The following DIS3L2 variants were observed in gnomAD, a reference collection of about 807,000 sequenced individuals.
The protein encoded by DIS3L2 is DIS3 like 3'-5' exoribonuclease 2.
Under a neutral mutation model 97.5 loss-of-function variants are expected in DIS3L2, and 34 were observed. The ratio of observed to expected loss-of-function variants is 0.35; its 90% CI spans 0.27 to 0.46. The LOEUF (loss-of-function observed/expected upper bound fraction) is 0.46, where lower values mean the gene tolerates loss of function less well. Among genes scored for constraint, DIS3L2 ranks in the 20% least tolerant of loss-of-function variants. DIS3L2 has a pLI of 1.00. For synonymous variants in DIS3L2, 435 were observed against 445.2 expected (o/e 0.98, Z 0.29); for missense variants, 1,038 against 1,146.0 (o/e 0.91, Z 1.36).
rs922078860 is a variant in DIS3L2, at chr2:231,996,467, GAGAA to G, written c.-93-18363_-93-18360del. Among the ~76,000 whole-genome samples, 27 of 152,316 alleles carry G rather than the reference GAGAA, an allele frequency of 1.8e-4. 3 individuals are homozygous for G. Among genetic ancestry groups the G allele is most frequent in the Admixed American group, 1.6e-3 (25 of 15,304 alleles). On this transcript the variant is annotated intron_variant, in intron 1 of 20. Coordinates refer to ENST00000325385, the MANE Select transcript of DIS3L2 (RefSeq NM_152383.5). ...GAGCCCAGCTGGGGTATTAAAGTAA[GAGAA>G]AGAATATAATGAGGTATTGTCAGTT...
intron 10 of DIS3L2, among the ~76,000 whole-genome samples, chr2:232,218,415 C>T (rs1692404637): frequency 6.6e-6 from 1 of 152,152 alleles, no homozygotes; most frequent in East Asian, 1.9e-4. Context: ...TAATTCTCAG[C>T]CTCCGAGGTG....
intron 6 of DIS3L2, among the ~76,000 whole-genome samples, chr2:232,101,890 G>A (rs1697213769): frequency 6.6e-6 from 1 of 152,162 alleles, no homozygotes. Context: ...ATCATTGCTG[G>A]ATACTAAAAC....
chr2:232,210,302 A>C (rs1365817942), intron 9 of DIS3L2, 24 bp from the exon 10 acceptor site: 3 of 1,597,626 alleles, frequency 1.9e-6, no homozygotes, highest in Non-Finnish European at 2.6e-6. Context: ...TGGCATTGCT[A>C]ATTGTTTCTT....
In DIS3L2 at chr2:232,336,625, A is replaced by G. The variant is rs1410322218; in HGVS notation, c.2653A>G (p.Ser885Gly). ...SDGEPEDSST[S>G] ...CGGTGAGCCCGAGGACTCAAGCACC[A>G]GCTGAGCTCCACCAGCCGCCTGCCC... is the stretch of plus-strand genomic sequence containing the variant. Residue 885 changes from serine to glycine, a missense_variant, in exon 21 of 21, where the codon AGC becomes GGC. Transcript: ENST00000325385. 4 of 1,598,822 alleles carry G rather than the reference A, an allele frequency of 2.5e-6. No individual in the cohort carries two copies. The Admixed American group carries it at 6.8e-5, about 27-fold the overall frequency.
At chr2:232,192,800 G>A (rs1328864404) in intron 9 of DIS3L2, among the ~76,000 whole-genome samples, 4 of 152,186 alleles carry the variant, frequency 2.6e-5, no homozygotes, top group Non-Finnish European at 5.9e-5. Context: ...TTGGTCCCAA[G>A]TAACAGAAAC....
intron 14 of DIS3L2, among the ~76,000 whole-genome samples, chr2:232,311,248 G>A (rs1414147912): frequency 6.6e-6 from 1 of 152,226 alleles, no homozygotes; most frequent in African/African-American, 2.4e-5. Context: ...CCATGTCTCA[G>A]CATATAGTGT....
At chr2:232,324,317 G>C (rs1340365377) in intron 14 of DIS3L2, among the ~76,000 whole-genome samples, 1 of 152,156 alleles carries the variant, frequency 6.6e-6, no homozygotes, top group African/African-American at 2.4e-5. Flanking sequence ...TCAAAGCCAC[G>C]TTAGCAGTTT....
At chr2:232,161,779 A>ATT (rs34447522) in intron 8 of DIS3L2, among the ~76,000 whole-genome samples, 1 of 144,950 alleles carries the variant, frequency 6.9e-6, no homozygotes, top group Admixed American at 6.9e-5. Flanking sequence ...CCCCAGTTCA[A>ATT]TTTTTTTTTT....
At chr2:231,982,306 C>T (rs1276593017) in intron 1 of DIS3L2, among the ~76,000 whole-genome samples, 2 of 152,180 alleles carry the variant, frequency 1.3e-5, no homozygotes, top group African/African-American at 4.8e-5. Context: ...ATCTAGAATA[C>T]ACTTACTTAC....
At position 231,966,200 on chromosome 2, in the gene DIS3L2, A is replaced by C. The variant is rs558607650; in HGVS notation, c.-94+4435A>C. Among the ~76,000 whole-genome samples, 5 of 132,588 alleles carry C rather than the reference A, an allele frequency of 3.8e-5. No homozygotes were observed. The East Asian group carries it at 1.1e-3, about 29-fold the overall frequency. The allele number at this position is 132,588 out of a possible 152,430, so 87.0% of individuals were successfully genotyped here. A position where few individuals can be genotyped will look rare whatever the true frequency, so the allele number is the denominator to read the frequency against. On this transcript the variant is annotated intron_variant, in intron 1 of 20. Transcript: ENST00000325385. Reference sequence around the variant, plus strand: ...TTTTTTTTTTTTGAGACAGAGACTTACTCTGTTGCCCAGGCTGGAGTGCAG... The same window carrying C: ...TTTTTTTTTTTTGAGACAGAGACTTCCTCTGTTGCCCAGGCTGGAGTGCAG...
chr2:231,977,011 C>T (rs12469010), intron 1 of DIS3L2, among the ~76,000 whole-genome samples: 2 of 152,254 alleles, frequency 1.3e-5, no homozygotes, highest in South Asian at 4.1e-4. Flanking sequence ...TCGTGATCCG[C>T]CCGCCTCAGC....
intron 14 of DIS3L2, among the ~76,000 whole-genome samples, chr2:232,316,793 G>A (rs1342794768): frequency 1.3e-5 from 2 of 152,214 alleles, no homozygotes; most frequent in Non-Finnish European, 2.9e-5. Flanking sequence ...TAGTTTAACA[G>A]CCCTCCAGTT....
intron 10 of DIS3L2, among the ~76,000 whole-genome samples, chr2:232,235,754 T>C (rs1325581696): frequency 6.6e-6 from 1 of 152,258 alleles, no homozygotes; most frequent in Non-Finnish European, 1.5e-5. Context: ...GAAGACACTT[T>C]ATTTTACCTT....
intron 1 of DIS3L2, among the ~76,000 whole-genome samples, chr2:231,975,691 C>T (rs1338127083): frequency 1.1e-4 from 12 of 113,970 alleles, no homozygotes; most frequent in African/African-American, 3.6e-4. Flanking sequence ...GGCGACAGAG[C>T]GAGACTCCGC....
At chr2:232,120,199 A>G (rs1697855091) in intron 6 of DIS3L2, among the ~76,000 whole-genome samples, 3 of 152,210 alleles carry the variant, frequency 2.0e-5, no homozygotes, top group Admixed American at 2.0e-4. Flanking sequence ...CTCTTGCAGT[A>G]TCTGTCACTC....
Position 232,334,866 on chromosome 2 carries a change from G to T in DIS3L2, c.2394+131G>T, listed in dbSNP as rs559975255. 1.6e-3 allele frequency: 1,192 copies of T among 741,778 alleles called. 9 individuals carry two copies. The African/African-American group carries it at 0.018, about 11-fold the overall frequency. The allele number at this position is 741,778 out of a possible 1,614,324, so 45.9% of individuals were successfully genotyped here. ...CCCTAGCACAAAGCCCACCTGATGG[G>T]CCTTGCTGAGACGCCCAGCTCTCCC... is the stretch of plus-strand genomic sequence containing the variant. On this transcript the variant is annotated intron_variant, in intron 19 of 20. Transcript: ENST00000325385.
At chr2:231,975,565 C>T (rs150768380) in intron 1 of DIS3L2, among the ~76,000 whole-genome samples, 8 of 151,942 alleles carry the variant, frequency 5.3e-5, no homozygotes, top group Admixed American at 2.0e-4. Flanking sequence ...GTTAGCCAGG[C>T]GTGGTGGCAG....
At position 232,017,510 on chromosome 2, in the gene DIS3L2, G is replaced by T. The variant is rs138452480; in HGVS notation, c.210+1839G>T. ...AGTCCATTCATTAATCCATTCATTTGCTCTTCATTGTTCAGCCCATATCCC... is the reference window on the plus strand; with the variant it reads ...AGTCCATTCATTAATCCATTCATTTTCTCTTCATTGTTCAGCCCATATCCC... On this transcript the variant is annotated intron_variant, in intron 3 of 20. Transcript: ENST00000325385. 4.0e-3 allele frequency among the ~76,000 whole-genome samples: 608 copies of T among 152,206 alleles called. 6 individuals are homozygous for T. Among genetic ancestry groups the T allele is most frequent in the African/African-American group, 0.014 (585 of 41,538 alleles).
chr2:232,225,816 T>C (rs1692629293), intron 10 of DIS3L2, among the ~76,000 whole-genome samples: 1 of 152,172 alleles, frequency 6.6e-6, no homozygotes, highest in South Asian at 2.1e-4. Flanking sequence ...TAATTTAATA[T>C]GGTATATCCA....
Sources: allele counts gnomAD v4.1 joint callset (sites outside exome capture counted in the v4.1 genomes callset), GRCh38; gene constraint gnomAD v4.1.1; transcripts MANE v1.5; gene names NCBI Gene and HGNC (gene_info 2026-07-23, HGNC 2026-07-21).